Variants in AZIN1 observed in about 807,000 individuals in gnomAD.
The protein encoded by AZIN1 is antizyme inhibitor 1.
Under a neutral mutation model 47.4 loss-of-function variants are expected in AZIN1, and 12 were observed. The observed-to-expected ratio is 0.25, with a 90% CI of 0.16 to 0.41. The LOEUF is 0.41. AZIN1 is among the 10% of genes least tolerant of loss of function. The probability of loss-of-function intolerance (pLI) is 1.00; values close to 1 mark genes in which losing one functional copy is unlikely to be tolerated. For synonymous variants in AZIN1, 155 were observed against 176.3 expected, an observed-to-expected ratio of 0.88 and a Z score of 0.96; for missense variants, 410 against 532.4, an observed-to-expected ratio of 0.77 and a Z score of 2.26.
chr8:102,859,136 A>G (rs75432908), intron 1 of AZIN1: 1 of 138,822 alleles, frequency 7.2e-6, no homozygotes, highest in African/African-American at 2.7e-5. Flanking sequence ...TATCTAGGAG[A>G]AGCTGATCAC....
At chr8:102,831,477 A>G (rs924083616) in intron 9 of AZIN1, among the ~76,000 whole-genome samples, 5 of 126,576 alleles carry the variant, frequency 4.0e-5, no homozygotes, top group Admixed American at 7.6e-5. Context: ...ATTTAAATTA[A>G]AAAAAAAAAA....
At chr8:102,850,535 T>G (rs1223570450) in intron 2 of AZIN1, among the ~76,000 whole-genome samples, 1 of 152,192 alleles carries the variant, frequency 6.6e-6, no homozygotes, top group African/African-American at 2.4e-5. Flanking sequence ...TGAGTAGGTC[T>G]GAAACACTAC....
intron 1 of AZIN1, among the ~76,000 whole-genome samples, chr8:102,862,215 G>A (rs924677003): frequency 2.0e-5 from 3 of 152,156 alleles, no homozygotes; most frequent in Non-Finnish European, 4.4e-5. Context: ...TTATACTGAT[G>A]TGAATTTTAC....
At chr8:102,844,478 G>GT (rs1399910828) in intron 2 of AZIN1, among the ~76,000 whole-genome samples, 2 of 152,154 alleles carry the variant, frequency 1.3e-5, no homozygotes, top group African/African-American at 4.8e-5. Flanking sequence ...AGTACTAGCT[G>GT]TATCAAGTTA....
intron 2 of AZIN1, among the ~76,000 whole-genome samples, chr8:102,848,219 A>G (rs1477102037): frequency 1.4e-4 from 21 of 151,514 alleles, no homozygotes; most frequent in Admixed American, 1.3e-3. Flanking sequence ...AACAACCACA[A>G]TGTCACCTAA....
At position 102,829,841 on chromosome 8, in the gene AZIN1, T is replaced by C; in HGVS notation, c.1000A>G (p.Thr334Ala). ...CTTGCCTTGTGAACCTCTGGAATGG[T>C]ATTTAAGTCCTCAGACAGTTTACTT... ...FASKLSEDLN[T>A]IPEVHKKYKE... The change falls in exon 10 of 12, where the codon ACC becomes GCC. Residue 334 changes from threonine (T) to alanine (A), a missense_variant. Around this residue, in one of 3 missense-constraint regions of AZIN1, gnomAD observed 168 missense variants for 198.3 expected, o/e 0.85. Transcript: ENST00000337198. 6.2e-7 allele frequency: 1 copy of C among 1,611,808 alleles called. No individual in the cohort carries two copies. The highest frequency in any genetic ancestry group is 8.5e-7 in the Non-Finnish European group (1 of 1,178,568).
At chr8:102,842,726 A>G (rs1812288364) in intron 3 of AZIN1, among the ~76,000 whole-genome samples, 1 of 149,700 alleles carries the variant, frequency 6.7e-6, no homozygotes, top group Non-Finnish European at 1.5e-5. Flanking sequence ...AACAAAAAAC[A>G]AAAAACAAAA....
intron 2 of AZIN1, among the ~76,000 whole-genome samples, chr8:102,845,128 T>C (rs1740521280): frequency 1.3e-5 from 2 of 150,480 alleles, no homozygotes; most frequent in East Asian, 4.0e-4. Context: ...CCTTGATTCC[T>C]CCCACCACCC....
chr8:102,841,548 C>T (rs1319205645), intron 3 of AZIN1, among the ~76,000 whole-genome samples: 1 of 151,940 alleles, frequency 6.6e-6, no homozygotes, highest in East Asian at 1.9e-4. Context: ...AATTGGTTGA[C>T]CAATATGACA....
intron 1 of AZIN1, among the ~76,000 whole-genome samples, chr8:102,862,288 T>TG (rs1813724661): frequency 6.6e-6 from 1 of 152,164 alleles, no homozygotes; most frequent in Admixed American, 6.5e-5. Flanking sequence ...ATACTAAAGT[T>TG]GGAGGGGTCT....
Position 102,826,586 on chromosome 8 carries a change from C to T in AZIN1, c.*1981G>A, listed in dbSNP as rs1438084360. On this transcript the variant is annotated 3_prime_UTR_variant, in exon 12 of 12. Coordinates refer to ENST00000337198, the MANE Select transcript of AZIN1 (RefSeq NM_148174.4). ...TGGCAAACAGTCTTCAAATACAATA[C>T]AGACATTTCTTAAAAGTTACCGTAT... 2.0e-5 allele frequency: 3 copies of T among 152,572 alleles called. No homozygotes were observed. Among genetic ancestry groups the T allele is most frequent in the African/African-American group, 7.2e-5 (3 of 41,446 alleles). 9.5% of individuals were successfully genotyped at this position (152,572 alleles called of 1,614,324 possible).
At chr8:102,830,124 AC>A (rs1811340391) in intron 9 of AZIN1, 188 bp from the exon 10 acceptor site, 3 of 486,706 alleles carry the variant, frequency 6.2e-6, no homozygotes, top group Non-Finnish European at 1.1e-5. Context: ...GGTGGCTCAT[AC>A]CTGTAATCCT....
intron 2 of AZIN1, among the ~76,000 whole-genome samples, chr8:102,851,277 T>C (rs1812900725): frequency 6.6e-6 from 1 of 152,208 alleles, no homozygotes; most frequent in South Asian, 2.1e-4. Context: ...GAATAATCCT[T>C]TAAAGAGACA....
At chr8:102,834,092 T>C in intron 8 of AZIN1, 97 bp downstream of exon 8, 1 of 935,346 alleles carries the variant, frequency 1.1e-6, no homozygotes, top group Non-Finnish European at 1.7e-6. Context: ...TTATAGGGTT[T>C]AGTTTCTGCC....
At chr8:102,863,233 C>A (rs1471875276) in intron 1 of AZIN1, among the ~76,000 whole-genome samples, 1 of 152,178 alleles carries the variant, frequency 6.6e-6, no homozygotes, top group Non-Finnish European at 1.5e-5. Context: ...CCGCGCCCCC[C>A]AGGAATCCGA....
intron 3 of AZIN1, among the ~76,000 whole-genome samples, chr8:102,843,205 CAAA>C (rs10713233): frequency 2.7e-4 from 26 of 97,222 alleles, no homozygotes; most frequent in Admixed American, 2.3e-4. Flanking sequence ...GACTCGTCTC[CAAA>C]AAAAAAAAAA....
intron 3 of AZIN1, among the ~76,000 whole-genome samples, chr8:102,841,512 T>G (rs1274621943): frequency 6.6e-6 from 1 of 152,130 alleles, no homozygotes; most frequent in Non-Finnish European, 1.5e-5. Flanking sequence ...AGCTTCCCAG[T>G]GGCAACTGAA....
At chr8:102,855,657 T>A (rs757168026) in intron 2 of AZIN1, 3 of 152,208 alleles carry the variant, frequency 2.0e-5, no homozygotes, top group Non-Finnish European at 4.4e-5. Flanking sequence ...AGAGTTCATA[T>A]AGCTACATGC....
intron 8 of AZIN1, among the ~76,000 whole-genome samples, chr8:102,833,664 G>A (rs1024815353): frequency 6.6e-6 from 1 of 152,024 alleles, no homozygotes; most frequent in Non-Finnish European, 1.5e-5. Flanking sequence ...AAAACTTTGG[G>A]AGGCTGGGGC....
Sources: allele counts gnomAD v4.1 joint callset (sites outside exome capture counted in the v4.1 genomes callset), GRCh38; gene constraint gnomAD v4.1.1; regional missense constraint gnomAD v4.1.1; transcripts MANE v1.5; gene names NCBI Gene and HGNC (gene_info 2026-07-23, HGNC 2026-07-21).